Variants in LMBRD1 observed in about 807,000 individuals in gnomAD.
The protein encoded by LMBRD1 is lysosomal cobalamin transport escort protein LMBD1.
Under a neutral mutation model 74.8 loss-of-function variants are expected in LMBRD1, and 64 were observed. That is an observed-to-expected ratio of 0.86 (90% CI 0.70 to 1.05). The LOEUF (loss-of-function observed/expected upper bound fraction) is 1.05, where lower values mean the gene tolerates loss of function less well. Among genes scored for constraint, LMBRD1 ranks in the 50% least tolerant of loss-of-function variants. LMBRD1 has a pLI of 0.00. For synonymous variants in LMBRD1, 204 were observed against 216.3 expected (o/e 0.94, Z 0.50); for missense variants, 652 against 645.9 (o/e 1.01, Z -0.10).
intron 1 of LMBRD1, among the ~76,000 whole-genome samples, chr6:69,792,161 C>T (rs1217210996): frequency 6.6e-6 from 1 of 152,210 alleles, no homozygotes; most frequent in Non-Finnish European, 1.5e-5. Flanking sequence ...CACCGTGTGT[C>T]TCTCTCTTAA....
chr6:69,708,917 T>G (rs1257156139), intron 9 of LMBRD1, among the ~76,000 whole-genome samples: 1 of 152,106 alleles, frequency 6.6e-6, no homozygotes, highest in Non-Finnish European at 1.5e-5. Context: ...TTCCTCTAGT[T>G]TGACTTGAAT....
chr6:69,785,433 T>C (rs1765924870), intron 2 of LMBRD1, among the ~76,000 whole-genome samples: 2 of 152,184 alleles, frequency 1.3e-5, no homozygotes, highest in Admixed American at 6.5e-5. Flanking sequence ...TCCACCTGGA[T>C]AGATAGTACA....
rs1387074454 is a variant in LMBRD1, at chr6:69,701,856, A to T, written c.980+33T>A. Reference sequence around the variant, plus strand: ...ATGTATATTATCATAGAATTTGTATAAGTGCTTTAGAAAATGTGTCTACTG... The same window carrying T: ...ATGTATATTATCATAGAATTTGTATTAGTGCTTTAGAAAATGTGTCTACTG... On this transcript the variant is annotated intron_variant, in intron 10 of 15. Coordinates refer to ENST00000649934, the MANE Select transcript of LMBRD1 (RefSeq NM_018368.4). 3 of 1,362,560 alleles carry T rather than the reference A, an allele frequency of 2.2e-6. No individual in the cohort carries two copies. In the Admixed American group the frequency reaches 5.1e-5, roughly 23 times the overall value. The allele number at this position is 1,362,560 out of a possible 1,614,324, so 84.4% of individuals were successfully genotyped here.
intron 14 of LMBRD1, among the ~76,000 whole-genome samples, chr6:69,683,682 T>C (rs1430094023): frequency 1.3e-5 from 2 of 150,786 alleles, no homozygotes; most frequent in African/African-American, 4.9e-5. Flanking sequence ...AAAACATAGC[T>C]TACTGGTTCA....
At chr6:69,708,150 T>G (rs946445100) in intron 9 of LMBRD1, among the ~76,000 whole-genome samples, 1 of 152,192 alleles carries the variant, frequency 6.6e-6, no homozygotes, top group Non-Finnish European at 1.5e-5. Flanking sequence ...AGTATACTCT[T>G]CTGTCAGGGA....
At chr6:69,760,911 T>C (rs1285535158) in intron 3 of LMBRD1, among the ~76,000 whole-genome samples, 1 of 152,116 alleles carries the variant, frequency 6.6e-6, no homozygotes, top group African/African-American at 2.4e-5. Flanking sequence ...TGAGAGAGCT[T>C]ACATGTCAAC....
At position 69,709,374 on chromosome 6, in the gene LMBRD1, T is replaced by A. The variant is rs535218956; in HGVS notation, c.915+4271A>T. The stretch of plus-strand genomic sequence containing the variant: ...AGGAAAAAAAGCAGTGTTTATCTCC[T>A]CATAATACACATTAAACCCTCAATT... On this transcript the variant is annotated intron_variant, in intron 9 of 15. Coordinates refer to ENST00000649934, the MANE Select transcript of LMBRD1 (RefSeq NM_018368.4). 3.7e-4 allele frequency among the ~76,000 whole-genome samples: 57 copies of A among 152,324 alleles called. No individual in the cohort carries two copies. In the South Asian group the frequency reaches 5.4e-3, roughly 14 times the overall value.
At chr6:69,679,450 T>G (rs1582037851) in intron 14 of LMBRD1, among the ~76,000 whole-genome samples, 1 of 152,086 alleles carries the variant, frequency 6.6e-6, no homozygotes, top group African/African-American at 2.4e-5. Context: ...AATTTGTCAT[T>G]TTTTTTCCAG....
chr6:69,790,309 T>C lies in LMBRD1; in HGVS notation c.233A>G (p.Asn78Ser), dbSNP rs769381926. Residue 78 changes from asparagine to serine, a missense_variant, in exon 2 of 16, where the codon AAT (asparagine) becomes AGT (serine). Around this residue, in one of 3 missense-constraint regions of LMBRD1, gnomAD observed 598 missense variants for 581.8 expected, o/e 1.03. Transcript: ENST00000649934. ...IFLVSYMKNQ[N>S]GTFKDWANAN... ...GATTATATTTACCTTAAATGTACCA[T>C]TTTGATTTTTCATGTAAGAAACCAA... 3 of 1,609,906 alleles carry C rather than the reference T, an allele frequency of 1.9e-6. No homozygotes were observed. Among genetic ancestry groups the C allele is most frequent in the Non-Finnish European group, 1.7e-6 (2 of 1,176,304 alleles).
chr6:69,723,291 G>T (rs1766657483), intron 7 of LMBRD1, among the ~76,000 whole-genome samples: 1 of 152,110 alleles, frequency 6.6e-6, no homozygotes, highest in Non-Finnish European at 1.5e-5. Flanking sequence ...AGAAACATCA[G>T]ACTTAACCTG....
chr6:69,751,047 T>G (rs1240963493), intron 4 of LMBRD1, among the ~76,000 whole-genome samples: 1 of 152,116 alleles, frequency 6.6e-6, no homozygotes, highest in East Asian at 1.9e-4. Flanking sequence ...GTATAACTGT[T>G]CCCCTAAATT....
At chr6:69,756,767 A>G (rs1396956380) in intron 3 of LMBRD1, among the ~76,000 whole-genome samples, 3 of 152,204 alleles carry the variant, frequency 2.0e-5, no homozygotes, top group Non-Finnish European at 4.4e-5. Context: ...TTGATTACCA[A>G]AACTACAGAC....
At chr6:69,694,786 T>C (rs1429872247) in intron 14 of LMBRD1, among the ~76,000 whole-genome samples, 1 of 152,176 alleles carries the variant, frequency 6.6e-6, no homozygotes, top group African/African-American at 2.4e-5. Context: ...TTGTGTAGAC[T>C]TGTTCAATAA....
intron 3 of LMBRD1, among the ~76,000 whole-genome samples, chr6:69,767,977 T>A (rs1247229957): frequency 6.6e-6 from 1 of 151,974 alleles, no homozygotes; most frequent in African/African-American, 2.4e-5. Flanking sequence ...AAGTCTATTT[T>A]ATTTGATATT....
At chr6:69,691,547 T>C (rs1204234836) in intron 14 of LMBRD1, among the ~76,000 whole-genome samples, 1 of 152,082 alleles carries the variant, frequency 6.6e-6, no homozygotes, top group East Asian at 1.9e-4. Flanking sequence ...TGAGATTCTG[T>C]GAAAATAAGT....
At chr6:69,745,006 C>A (rs942235507) in intron 5 of LMBRD1, among the ~76,000 whole-genome samples, 1 of 151,890 alleles carries the variant, frequency 6.6e-6, no homozygotes, top group Non-Finnish European at 1.5e-5. Context: ...CTATGCCCAG[C>A]TAATTTTTGT....
intron 14 of LMBRD1, among the ~76,000 whole-genome samples, chr6:69,690,196 T>C (rs1196541912): frequency 6.6e-6 from 1 of 152,062 alleles, no homozygotes; most frequent in East Asian, 1.9e-4. Context: ...TTTATACTCA[T>C]TCTCTTGGAG....
chr6:69,780,390 C>T (rs1304853874), intron 3 of LMBRD1, 104 bp downstream of exon 3: 4 of 839,232 alleles, frequency 4.8e-6, no homozygotes, highest in Admixed American at 3.6e-5. Flanking sequence ...TCATTTTTTT[C>T]TAATTCGACC....
At chr6:69,756,352 G>A (rs1765266269) in intron 3 of LMBRD1, among the ~76,000 whole-genome samples, 1 of 134,410 alleles carries the variant, frequency 7.4e-6, no homozygotes, top group Non-Finnish European at 1.5e-5. Context: ...AACAGAACAG[G>A]ACTCAATCTC....
Sources: allele counts gnomAD v4.1 joint callset (sites outside exome capture counted in the v4.1 genomes callset), GRCh38; gene constraint gnomAD v4.1.1; regional missense constraint gnomAD v4.1.1; transcripts MANE v1.5; gene names NCBI Gene and HGNC (gene_info 2026-07-23, HGNC 2026-07-21).